VPS53: variants seen among roughly 807,000 people sequenced by gnomAD.
VPS53 encodes VPS53 subunit of GARP complex, also known as vacuolar protein sorting-associated protein 53 homolog.
VPS53 carries 70 observed loss-of-function variants against 107.0 expected under a neutral mutation model. That is an observed-to-expected ratio of 0.65 (90% CI 0.54 to 0.80). The LOEUF (loss-of-function observed/expected upper bound fraction) is 0.80. Ranked by LOEUF, VPS53 falls within the 30% of genes least tolerant of loss-of-function variation. The probability of loss-of-function intolerance (pLI) is 0.00; values close to 1 mark genes in which losing one functional copy is unlikely to be tolerated. For synonymous variants in VPS53, 409 were observed against 393.3 expected, an observed-to-expected ratio of 1.04 and a Z score of -0.47; for missense variants, 917 against 1,049.4, an observed-to-expected ratio of 0.87 and a Z score of 1.74.
chr17:714,250 T>C (rs773828339), intron 1 of VPS53: 16 of 237,408 alleles, frequency 6.7e-5, no homozygotes, highest in Non-Finnish European at 1.1e-4. Context: ...ACTCACGAGG[T>C]GCCAGCTTGC....
rs1479825493 is a variant in VPS53 at position 658,284 on chromosome 17, C to T, written c.373-2331G>A. Among the ~76,000 whole-genome samples the T allele has an allele frequency of 8.6e-3, 885 of 103,498 alleles. 31 individuals are homozygous for T. Among genetic ancestry groups the T allele is most frequent in the African/African-American group, 0.027 (817 of 30,136 alleles). The allele number at this position is 103,498 out of a possible 152,430, so 67.9% of individuals were successfully genotyped here. A position where few individuals can be genotyped will look rare whatever the true frequency, so the allele number is the denominator to read the frequency against. ...ATCCCACTAAAGTGAGAAACTCGGCCGTGAGTTCGTGGATAGATACATCCC... is the reference window on the plus strand; with the variant it reads ...ATCCCACTAAAGTGAGAAACTCGGCTGTGAGTTCGTGGATAGATACATCCC... On this transcript the variant is annotated intron_variant, in intron 5 of 21. Coordinates refer to ENST00000437048, the MANE Select transcript of VPS53 (RefSeq NM_001128159.3).
chr17:540,386 TAG>T (rs1363826815), intron 17 of VPS53: 1 of 152,110 alleles, frequency 6.6e-6, no homozygotes, highest in Non-Finnish European at 1.5e-5. Flanking sequence ...TTACTTTTTG[TAG>T]AGACAGGGGT....
At chr17:688,778 C>T (rs182030181) in intron 4 of VPS53, among the ~76,000 whole-genome samples, 112 of 152,250 alleles carry the variant, frequency 7.4e-4, no homozygotes, top group African/African-American at 2.6e-3. Flanking sequence ...ACTGTGAGCC[C>T]GAATCAAAAC....
At chr17:540,060 C>T (rs1167870463) in intron 17 of VPS53, among the ~76,000 whole-genome samples, 1 of 147,450 alleles carries the variant, frequency 6.8e-6, no homozygotes, top group Non-Finnish European at 1.5e-5. Flanking sequence ...AGACAACTTC[C>T]CCCCCGACCC....
intron 4 of VPS53, among the ~76,000 whole-genome samples, chr17:689,388 C>T (rs1349527056): frequency 5.3e-5 from 8 of 152,026 alleles, no homozygotes; most frequent in Admixed American, 3.9e-4. Flanking sequence ...ACCTCAAACC[C>T]CTGGGCTCAC....
intron 7 of VPS53, among the ~76,000 whole-genome samples, chr17:651,723 G>A (rs887657920): frequency 3.3e-5 from 5 of 152,196 alleles, no homozygotes; most frequent in Non-Finnish European, 5.9e-5. Flanking sequence ...CAGTAACAAC[G>A]CCTTCATTTC....
chr17:704,879 C>A (rs771239800), intron 2 of VPS53, among the ~76,000 whole-genome samples: 1 of 152,212 alleles, frequency 6.6e-6, no homozygotes, highest in Non-Finnish European at 1.5e-5. Flanking sequence ...CAATTACTAT[C>A]TTTATCCTAG....
chr17:581,925 G>T (rs1425289485), intron 13 of VPS53, among the ~76,000 whole-genome samples: 1 of 140,856 alleles, frequency 7.1e-6, no homozygotes, highest in African/African-American at 2.7e-5. Context: ...TAACCTCCCT[G>T]AGGACCTCAA....
intron 15 of VPS53, among the ~76,000 whole-genome samples, chr17:558,675 G>A (rs1051938543): frequency 3.8e-4 from 57 of 149,534 alleles, no homozygotes; most frequent in African/African-American, 1.3e-3. Flanking sequence ...CAACGATCAG[G>A]GATGCTTGCT....
intron 10 of VPS53, 151 bp downstream of exon 10, chr17:627,023 G>C: frequency 1.0e-6 from 1 of 1,001,080 alleles, no homozygotes; most frequent in Non-Finnish European, 1.4e-6. Context: ...GCAGCTGGTG[G>C]GGCCACTGTG....
chr17:571,531 C>CGGTCTCCCTCTCCCCCTCCCTAT (rs1914070900), intron 13 of VPS53, among the ~76,000 whole-genome samples: 3 of 135,258 alleles, frequency 2.2e-5, no homozygotes, highest in Admixed American at 7.1e-5. Flanking sequence ...CCTCTCCCTA[C>CGGTCTCCCTCTCCCCCTCCCTAT]GGTCTCCCTC....
chr17:555,348 T>C (rs957457461), intron 15 of VPS53, among the ~76,000 whole-genome samples: 2 of 152,206 alleles, frequency 1.3e-5, no homozygotes, highest in Non-Finnish European at 2.9e-5. Flanking sequence ...CTGCCTTGCT[T>C]TGCCGCACCC....
At chr17:648,102 G>C (rs975169772) in intron 7 of VPS53, among the ~76,000 whole-genome samples, 1 of 152,212 alleles carries the variant, frequency 6.6e-6, no homozygotes, top group Non-Finnish European at 1.5e-5. Flanking sequence ...CAGCTGCTGG[G>C]ACACCCACCT....
chr17:565,423 A>AAAG (rs1913409204), intron 13 of VPS53, among the ~76,000 whole-genome samples: 1 of 132,828 alleles, frequency 7.5e-6, no homozygotes, highest in African/African-American at 3.1e-5. Flanking sequence ...AAAAAAAAAA[A>AAAG]AAAGAAAGAA....
In VPS53 at chr17:697,402, G is replaced by A. The variant is rs1341854062; in HGVS notation, c.285+16C>T. On this transcript the variant is annotated intron_variant, in intron 4 of 21. Coordinates refer to ENST00000437048, the MANE Select transcript of VPS53 (RefSeq NM_001128159.3). ...ACCAGGGGAGCATAGGTAATATGGA[G>A]GAATGAGTTACTTACTTGCCGTCCA... 1 of 1,609,364 alleles carries A rather than the reference G, an allele frequency of 6.2e-7. No homozygotes were observed. The highest frequency in any genetic ancestry group is 1.7e-5 in the Admixed American group (1 of 60,004).
intron 17 of VPS53, among the ~76,000 whole-genome samples, chr17:539,505 G>C (rs1910418415): frequency 6.6e-6 from 1 of 152,224 alleles, no homozygotes; most frequent in Non-Finnish European, 1.5e-5. Flanking sequence ...CTAAGAAAGT[G>C]ATTTAAAGTA....
At position 539,958 on chromosome 17, in the gene VPS53, C is replaced by A. The variant is rs551108216; in HGVS notation, c.1867-2782G>T. 1.8e-4 allele frequency among the ~76,000 whole-genome samples: 28 copies of A among 152,092 alleles called. No homozygotes were observed. The South Asian group carries it at 5.6e-3, about 31-fold the overall frequency. On this transcript the variant is annotated intron_variant, in intron 17 of 21. Transcript: ENST00000437048. ...AAGCCCAAACCAGGTCTATCTAAAG[C>A]CCAAACCAAGTCTATCTAAAGCCCA...
chr17:649,827 G>A (rs549682297), intron 7 of VPS53, among the ~76,000 whole-genome samples: 11 of 152,382 alleles, frequency 7.2e-5, no homozygotes, highest in African/African-American at 2.2e-4. Flanking sequence ...TTTCTATTCC[G>A]TGGGAGAGAC....
chr17:588,815 T>C (rs1383191531), intron 12 of VPS53, among the ~76,000 whole-genome samples: 1 of 152,188 alleles, frequency 6.6e-6, no homozygotes, highest in African/African-American at 2.4e-5. Flanking sequence ...CCTGGGAGTT[T>C]TTCTGCATTT....
Sources: gnomAD v4.1 joint callset for allele counts (sites outside exome capture counted in the v4.1 genomes callset) on GRCh38, gnomAD v4.1.1 for gene constraint, MANE v1.5 for transcripts, NCBI Gene and HGNC (gene_info 2026-07-23, HGNC 2026-07-21) for gene names.